The following TRIM33 variants were observed in gnomAD, a reference collection of about 807,000 sequenced individuals.
TRIM33 encodes tripartite motif containing 33, also known as E3 ubiquitin-protein ligase TRIM33.
A neutral mutation model predicts 125.4 loss-of-function variants in TRIM33; 20 were observed. That is an observed-to-expected ratio of 0.16 (90% confidence interval 0.11 to 0.23). The LOEUF (loss-of-function observed/expected upper bound fraction) is 0.23. TRIM33 is among the 10% of genes least tolerant of loss of function. TRIM33 has a pLI of 1.00. For missense variants in TRIM33, 920 were observed against 1,411.4 expected, an observed-to-expected ratio of 0.65 and a Z score of 5.58; for synonymous variants, 564 against 513.9, an observed-to-expected ratio of 1.10 and a Z score of -1.32.
intron 11 of TRIM33, among the ~76,000 whole-genome samples, chr1:114,415,599 C>T (rs1298889912): frequency 1.3e-5 from 2 of 152,180 alleles, no homozygotes; most frequent in Non-Finnish European, 2.9e-5. Flanking sequence ...TATTCTTTCA[C>T]TGTCATCTAT....
At chr1:114,447,453 G>A (rs1649052668) in intron 4 of TRIM33, among the ~76,000 whole-genome samples, 2 of 152,136 alleles carry the variant, frequency 1.3e-5, no homozygotes, top group South Asian at 4.1e-4. Context: ...AAAAAGGTTT[G>A]GAGAAAGTGA....
In TRIM33 at chr1:114,396,168, C is replaced by T. The variant is rs985148719; in HGVS notation, c.*1480G>A. On this transcript the variant is annotated 3_prime_UTR_variant, in exon 20 of 20. Transcript: ENST00000358465. Reference sequence around the variant, plus strand: ...CAAAAGTAGGACTAAAATCTTTAATCAAACAAAAGAGAAGCCTGTAACAGT... The same window carrying T: ...CAAAAGTAGGACTAAAATCTTTAATTAAACAAAAGAGAAGCCTGTAACAGT... The T allele has an allele frequency of 9.9e-6, 2 of 202,366 alleles. No individual in the cohort carries two copies. The highest frequency in any genetic ancestry group is 2.0e-5 in the Non-Finnish European group (2 of 98,274). The allele number at this position is 202,366 out of a possible 1,614,324, so 12.5% of individuals were successfully genotyped here.
intron 1 of TRIM33, chr1:114,468,445 T>G (rs1204605927): frequency 2.8e-6 from 1 of 352,682 alleles, no homozygotes; most frequent in East Asian, 9.9e-5. Context: ...ACAAAACAAG[T>G]GGCGCCAGAG....
Position 114,397,589 on chromosome 1 carries a change from G to GTTTTTTTTTTTTT in TRIM33, c.*46_*58dup, listed in dbSNP as rs66490349. ...CTTAAAAGTTTTCTGGGTTTTTTGTGTTTTTTTTTTTTTTTTCGTTTTTTT... is the reference window on the plus strand; with the variant it reads ...CTTAAAAGTTTTCTGGGTTTTTTGTGTTTTTTTTTTTTTTTTTTTTTTTTTTTTTCGTTTTTTT... On this transcript the variant is annotated 3_prime_UTR_variant, in exon 20 of 20. Transcript: ENST00000358465. 21 of 640,600 alleles carry GTTTTTTTTTTTTT rather than the reference G, an allele frequency of 3.3e-5. No homozygotes were observed. The highest frequency in any genetic ancestry group is 1.4e-4 in the African/African-American group (5 of 36,490). 39.7% of individuals were successfully genotyped at this position (640,600 alleles called of 1,614,324 possible).
chr1:114,421,757 A>C, intron 10 of TRIM33, 121 bp from the exon 11 acceptor site: 1 of 895,504 alleles, frequency 1.1e-6, no homozygotes, highest in Non-Finnish European at 1.7e-6. Context: ...GCCCTTTCAA[A>C]CTTATTCAGG....
Position 114,397,608 on chromosome 1 carries a change from T to G in TRIM33, c.*40A>C, listed in dbSNP as rs532092215. On this transcript the variant is annotated 3_prime_UTR_variant, in exon 20 of 20. Coordinates refer to ENST00000358465, the MANE Select transcript of TRIM33 (RefSeq NM_015906.4). ...TTTTGTGTTTTTTTTTTTTTTTTCG[T>G]TTTTTTTTTTTTAAACAATTGATTT... 9.1e-3 allele frequency: 6,500 copies of G among 710,754 alleles called. 197 individuals carry two copies. The Admixed American group carries it at 0.11, about 12-fold the overall frequency. 44.0% of individuals were successfully genotyped at this position (710,754 alleles called of 1,614,324 possible).
chr1:114,481,116 T>C (rs1170315854), intron 1 of TRIM33, among the ~76,000 whole-genome samples: 3 of 151,636 alleles, frequency 2.0e-5, no homozygotes, highest in African/African-American at 7.3e-5. Context: ...GAGGTTGCAA[T>C]GAGCCAAGAT....
chr1:114,445,550 G>C (rs1310880466), intron 4 of TRIM33, among the ~76,000 whole-genome samples: 1 of 152,106 alleles, frequency 6.6e-6, no homozygotes, highest in Non-Finnish European at 1.5e-5. Context: ...TGGAAAATCT[G>C]TTTTGAGGAA....
At chr1:114,430,315 GCT>G (rs1647863764) in intron 6 of TRIM33, among the ~76,000 whole-genome samples, 1 of 152,068 alleles carries the variant, frequency 6.6e-6, no homozygotes, top group Admixed American at 6.5e-5. Flanking sequence ...CACAATCACA[GCT>G]CATTGCAGCC....
intron 4 of TRIM33, among the ~76,000 whole-genome samples, chr1:114,461,138 G>A (rs1475346676): frequency 6.6e-6 from 1 of 151,242 alleles, no homozygotes; most frequent in African/African-American, 2.4e-5. Context: ...CTCAGGCCAG[G>A]AGTTTGAGGC....
At chr1:114,451,967 CTT>C (rs1417811481) in intron 4 of TRIM33, among the ~76,000 whole-genome samples, 7 of 152,126 alleles carry the variant, frequency 4.6e-5, no homozygotes, top group Non-Finnish European at 7.3e-5. Context: ...AAATTTACAT[CTT>C]TTTGATTAAC....
At chr1:114,415,389 T>C (rs574176771) in intron 11 of TRIM33, among the ~76,000 whole-genome samples, 65 of 152,300 alleles carry the variant, frequency 4.3e-4, no homozygotes, top group African/African-American at 1.5e-3. Context: ...ATCTACAGTA[T>C]ACCTAACTGC....
intron 5 of TRIM33, among the ~76,000 whole-genome samples, chr1:114,431,978 C>A (rs1647978111): frequency 6.6e-6 from 1 of 152,086 alleles, no homozygotes; most frequent in Non-Finnish European, 1.5e-5. Flanking sequence ...CTCAGTCAGA[C>A]TCCTATTGGA....
At chr1:114,462,325 A>T (rs2101376818) in intron 4 of TRIM33, among the ~76,000 whole-genome samples, 1 of 152,352 alleles carries the variant, frequency 6.6e-6, no homozygotes, top group Non-Finnish European at 1.5e-5. Flanking sequence ...AAAAACCCTA[A>T]GAAATCATAT....
rs1024607036 is a variant in TRIM33, at chr1:114,399,341, G to C, written c.3120+116C>G. 5.5e-6 allele frequency: 5 copies of C among 913,568 alleles called. No homozygotes were observed. In the African/African-American group the frequency reaches 6.9e-5, roughly 13 times the overall value. The allele number at this position is 913,568 out of a possible 1,614,324, so 56.6% of individuals were successfully genotyped here. A position where few individuals can be genotyped will look rare whatever the true frequency, so the allele number is the denominator to read the frequency against. Reference sequence around the variant, plus strand: ...GTTAATACAATCAGATGTTACTTTTGACAGGACTTTAGCAGAAAAAAAAAT... The same window carrying C: ...GTTAATACAATCAGATGTTACTTTTCACAGGACTTTAGCAGAAAAAAAAAT... On this transcript the variant is annotated intron_variant, in intron 18 of 19. Transcript: ENST00000358465.
At chr1:114,492,354 A>G (rs1652121643) in intron 1 of TRIM33, among the ~76,000 whole-genome samples, 1 of 152,226 alleles carries the variant, frequency 6.6e-6, no homozygotes, top group Admixed American at 6.5e-5. Context: ...GTATATACAT[A>G]TAACATAAAA....
intron 6 of TRIM33, among the ~76,000 whole-genome samples, chr1:114,429,208 G>T (rs1245945649): frequency 6.8e-6 from 1 of 146,360 alleles, no homozygotes; most frequent in African/African-American, 2.5e-5. Flanking sequence ...TTTTTTTTGA[G>T]ACGGAGTCTC....
At chr1:114,413,550 C>G (rs1373462251) in intron 11 of TRIM33, among the ~76,000 whole-genome samples, 1 of 107,840 alleles carries the variant, frequency 9.3e-6, no homozygotes, top group East Asian at 2.5e-4. Flanking sequence ...AAGAATGAAA[C>G]TCCATCTCAA....
rs1039055229 is a variant in TRIM33 at position 114,449,871 on chromosome 1, A to C, written c.923+13233T>G. On this transcript the variant is annotated intron_variant, in intron 4 of 19. Coordinates refer to ENST00000358465, the MANE Select transcript of TRIM33 (RefSeq NM_015906.4). ...CATTTTTTTCCTGGAGACCTTCTTC[A>C]CAGGATCCTCAGTTTTCATTCCTCA... Among the ~76,000 whole-genome samples, 43 of 152,098 alleles carry C rather than the reference A, an allele frequency of 2.8e-4. 1 individual carries two copies. Among genetic ancestry groups the C allele is most frequent in the Non-Finnish European group, 1.5e-5 (1 of 68,018 alleles).
Sources: gnomAD v4.1 joint callset for allele counts (sites outside exome capture counted in the v4.1 genomes callset) on GRCh38, gnomAD v4.1.1 for gene constraint, MANE v1.5 for transcripts, NCBI Gene and HGNC (gene_info 2026-07-23, HGNC 2026-07-21) for gene names.